The following KIF15 variants were observed in gnomAD, a reference collection of about 807,000 sequenced individuals.
KIF15 encodes the protein kinesin-like protein KIF15.
Under a neutral mutation model 190.6 loss-of-function variants are expected in KIF15, and 140 were observed. The observed-to-expected ratio is 0.73, with a 90% CI of 0.64 to 0.84. The LOEUF (loss-of-function observed/expected upper bound fraction) is 0.84. Among genes scored for constraint, KIF15 ranks in the 40% least tolerant of loss-of-function variants. KIF15 has a pLI of 0.00. For missense variants in KIF15, 1,372 were observed against 1,584.4 expected (o/e 0.87, Z 2.28); for synonymous variants, 528 against 551.3 (o/e 0.96, Z 0.59).
chr3:44,783,620 G>A (rs1349472202), intron 5 of KIF15, among the ~76,000 whole-genome samples: 1 of 152,128 alleles, frequency 6.6e-6, no homozygotes, highest in Non-Finnish European at 1.5e-5. Context: ...GGAAAATGAT[G>A]TAAAATTATC....
At chr3:44,866,648 C>T (rs1353158925) in intron 6 of KIF15, among the ~76,000 whole-genome samples, 1 of 152,210 alleles carries the variant, frequency 6.6e-6, no homozygotes, top group African/African-American at 2.4e-5. Flanking sequence ...GCCCATGTAG[C>T]ACCTTCATTG....
intron 30 of KIF15, among the ~76,000 whole-genome samples, chr3:44,845,518 A>G (rs1398738605): frequency 2.0e-5 from 3 of 149,646 alleles, no homozygotes; most frequent in African/African-American, 7.3e-5. Context: ...CTGGCACCTA[A>G]AAAAAAAAGA....
intron 3 of KIF15, among the ~76,000 whole-genome samples, chr3:44,777,623 G>A (rs966704010): frequency 1.3e-5 from 2 of 152,096 alleles, no homozygotes; most frequent in Non-Finnish European, 2.9e-5. Flanking sequence ...CCTGGGAGGC[G>A]GAAGTTTCAG....
At chr3:44,766,807 C>CTTTTTTTTTTTTTTTTTTT (rs766382105) in intron 1 of KIF15, among the ~76,000 whole-genome samples, 11 of 118,546 alleles carry the variant, frequency 9.3e-5, no homozygotes, top group South Asian at 2.8e-4. Flanking sequence ...TTCTTTCTTT[C>CTTTTTTTTTTTTTTTTTTT]TTTTTTTTTT....
At chr3:44,801,071 G>A (rs1196815085) in intron 11 of KIF15, among the ~76,000 whole-genome samples, 1 of 150,650 alleles carries the variant, frequency 6.6e-6, no homozygotes, top group East Asian at 2.0e-4. Context: ...GAAGCAGTGT[G>A]ATCTCAGCTC....
intron 1 of KIF15, among the ~76,000 whole-genome samples, chr3:44,765,336 C>T (rs1366579055): frequency 6.6e-6 from 1 of 152,204 alleles, no homozygotes; most frequent in Non-Finnish European, 1.5e-5. Context: ...TGGCAGCCTA[C>T]CTTCTGGGGC....
At chr3:44,858,529 G>T (rs879004745) in intron 6 of KIF15, among the ~76,000 whole-genome samples, 1 of 152,004 alleles carries the variant, frequency 6.6e-6, no homozygotes, top group Non-Finnish European at 1.5e-5. Flanking sequence ...GGGTTAAGGT[G>T]GGGGGGATAC....
chr3:44,826,552 TA>T (rs1224724180), intron 22 of KIF15, 92 bp downstream of exon 22: 1 of 830,490 alleles, frequency 1.2e-6, no homozygotes, highest in African/African-American at 1.8e-5. Flanking sequence ...CAATACCCTG[TA>T]AAGAGTTATT....
chr3:44,826,544 A>G (rs1327530929), intron 22 of KIF15, 84 bp downstream of exon 22: 1 of 915,420 alleles, frequency 1.1e-6, no homozygotes, highest in Non-Finnish European at 1.6e-6. Context: ...TTTATTGCCA[A>G]TACCCTGTAA....
At chr3:44,787,900 G>T (rs1418541344) in intron 7 of KIF15, among the ~76,000 whole-genome samples, 3 of 151,662 alleles carry the variant, frequency 2.0e-5, no homozygotes, top group African/African-American at 7.3e-5. Context: ...TGTCACCCAG[G>T]CTGGAGTGCA....
rs377064283 is a variant in KIF15, at chr3:44,797,853, C to T, written c.995C>T (p.Ala332Val). The change falls in exon 10 of 35, where the codon GCC (alanine) becomes GTC (valine). Residue 332 changes from alanine (A) to valine (V), a missense_variant. Ala to Val is a moderately conservative substitution (Grantham distance 64). Coordinates refer to ENST00000326047, the MANE Select transcript of KIF15 (RefSeq NM_020242.3). ...FLLRDSLGGNAKTAIIANVHP... is the reference protein window; with the variant it reads ...FLLRDSLGGNVKTAIIANVHP... The stretch of plus-strand genomic sequence containing the variant: ...AAACAGGATTCCCTTGGAGGTAATG[C>T]CAAAACAGCCATAATTGCAAATGTT... 18 of 1,613,506 alleles carry T rather than the reference C, an allele frequency of 1.1e-5. No homozygotes were observed. The highest frequency in any genetic ancestry group is 1.4e-5 in the Non-Finnish European group (17 of 1,179,884).
chr3:44,800,481 A>G (rs1707215301), intron 11 of KIF15, 44 bp downstream of exon 11: 9 of 1,588,792 alleles, frequency 5.7e-6, no homozygotes, highest in Non-Finnish European at 7.7e-6. Context: ...AGACTGTACA[A>G]ATAATAGTTT....
chr3:44,762,551 T>G (rs1458358348), intron 1 of KIF15, among the ~76,000 whole-genome samples: 4 of 152,320 alleles, frequency 2.6e-5, no homozygotes, highest in Non-Finnish European at 5.9e-5. Flanking sequence ...CATTGCCACA[T>G]CTCTTAAGGA....
chr3:44,783,440 G>C (rs550282379), intron 5 of KIF15, among the ~76,000 whole-genome samples: 2 of 152,234 alleles, frequency 1.3e-5, no homozygotes, highest in East Asian at 3.9e-4. Context: ...GGAAATAAGA[G>C]AACTCACTCC....
intron 26 of KIF15, among the ~76,000 whole-genome samples, chr3:44,837,815 T>C (rs1183437819): frequency 1.3e-5 from 2 of 152,210 alleles, no homozygotes; most frequent in Admixed American, 6.5e-5. Flanking sequence ...TGATGGTCTA[T>C]GACAATGAAT....
At chr3:44,845,516 T>TA (rs371915410) in intron 30 of KIF15, among the ~76,000 whole-genome samples, 2,850 of 146,904 alleles carry the variant, frequency 0.019, 75 homozygotes, top group African/African-American at 0.065. Context: ...CTCTGGCACC[T>TA]AAAAAAAAAA....
intron 8 of KIF15, 31 bp from the exon 9 acceptor site, chr3:44,797,520 A>G: frequency 1.0e-5 from 16 of 1,606,692 alleles, no homozygotes; most frequent in Non-Finnish European, 1.3e-5. Context: ...CAACGTACCT[A>G]AATTTTTGTT....
At chr3:44,836,748 T>A (rs1206939274) in intron 26 of KIF15, among the ~76,000 whole-genome samples, 1 of 152,042 alleles carries the variant, frequency 6.6e-6, no homozygotes. Context: ...AGTCAAGGAG[T>A]ATTGCCAGCG....
chr3:44,852,697 A>G lies in KIF15; in HGVS notation c.4129A>G (p.Asn1377Asp), dbSNP rs1699105897. ...GGAGACAGAAAAGTTGCGTGCCGAAAATGTATTTTTAAAAGAAAAGAAAAG... is the reference window on the plus strand; with the variant it reads ...GGAGACAGAAAAGTTGCGTGCCGAAGATGTATTTTTAAAAGAAAAGAAAAG... ...AEETEKLRAE[N>D]VFLKEKKRSE... The change falls in exon 35 of 35, where the codon AAT (asparagine) becomes GAT (aspartate). Residue 1377 changes from asparagine to aspartate, a missense_variant. Asn to Asp is a conservative substitution (Grantham distance 23). Coordinates refer to ENST00000326047, the MANE Select transcript of KIF15 (RefSeq NM_020242.3). The G allele has an allele frequency of 1.2e-6, 2 of 1,600,074 alleles. No homozygotes were observed. The highest frequency in any genetic ancestry group is 2.3e-5 in the South Asian group (2 of 87,264).
Sources: gnomAD v4.1 joint callset for allele counts (sites outside exome capture counted in the v4.1 genomes callset) on GRCh38, gnomAD v4.1.1 for gene constraint, MANE v1.5 for transcripts, NCBI Gene and HGNC (gene_info 2026-07-23, HGNC 2026-07-21) for gene names.